The following IGF1 variants were observed in gnomAD, a reference collection of about 807,000 sequenced individuals.
IGF1 encodes insulin like growth factor 1, also known as insulin-like growth factor 1.
A neutral mutation model predicts 13.8 loss-of-function variants in IGF1; 4 were observed. The ratio of observed to expected loss-of-function variants is 0.29; its 90% CI spans 0.14 to 0.66. The LOEUF (loss-of-function observed/expected upper bound fraction) is 0.66, where lower values mean the gene tolerates loss of function less well. Among genes scored for constraint, IGF1 ranks in the 30% least tolerant of loss-of-function variants. The pLI is 0.78. For synonymous variants in IGF1, 76 were observed against 72.6 expected, an observed-to-expected ratio of 1.05 and a Z score of -0.23; for missense variants, 124 against 188.5, an observed-to-expected ratio of 0.66 and a Z score of 2.00.
At chr12:102,417,903 CT>C (rs777711203) in intron 3 of IGF1, 1 of 1,614,010 alleles carries the variant, frequency 6.2e-7, no homozygotes, top group African/African-American at 1.3e-5. Context: ...GATCTGCAGA[CT>C]TGCTTCTGTC....
At chr12:102,428,267 A>G (rs1876413014) in intron 2 of IGF1, among the ~76,000 whole-genome samples, 1 of 53,054 alleles carries the variant, frequency 1.9e-5, no homozygotes, top group Non-Finnish European at 4.6e-5. Flanking sequence ...TAATGTTTCT[A>G]GCTAATAATA....
At chr12:102,474,505 G>GCCA (rs777839107) in intron 2 of IGF1, among the ~76,000 whole-genome samples, 1 of 152,062 alleles carries the variant, frequency 6.6e-6, no homozygotes, top group Non-Finnish European at 1.5e-5. Context: ...GTATACACAG[G>GCCA]CCACCCTCTA....
chr12:102,465,893 C>T (rs528258713), intron 2 of IGF1, among the ~76,000 whole-genome samples: 1 of 151,676 alleles, frequency 6.6e-6, no homozygotes, highest in African/African-American at 2.4e-5. Flanking sequence ...GCCGAGATTG[C>T]ACCACTGTAC....
intron 2 of IGF1, among the ~76,000 whole-genome samples, chr12:102,427,668 G>A (rs936504194): frequency 9.9e-5 from 15 of 152,130 alleles, no homozygotes; most frequent in Non-Finnish European, 2.2e-4. Flanking sequence ...GTGTCTGGAG[G>A]GAGAGTGTTG....
rs886048876 is a variant in IGF1, at chr12:102,398,799, CTTTT to C, written c.*3704_*3707del. On this transcript the variant is annotated 3_prime_UTR_variant, in exon 4 of 4. Coordinates refer to ENST00000337514, the MANE Select transcript of IGF1 (RefSeq NM_000618.5). ...TATGCTTTCTTTTTTTTCTTTTTTTCTTTTTTTTTTAGTCAAGTACTTTCTTAAA... is the reference window on the plus strand; with the variant it reads ...TATGCTTTCTTTTTTTTCTTTTTTTCTTTTTTAGTCAAGTACTTTCTTAAA... 6.9e-6 allele frequency: 1 copy of C among 144,908 alleles called. No individual in the cohort carries two copies. The highest frequency in any genetic ancestry group is 2.5e-5 in the African/African-American group (1 of 39,418). 9.0% of individuals were successfully genotyped at this position (144,908 alleles called of 1,614,324 possible). A position where few individuals can be genotyped will look rare whatever the true frequency, so the allele number is the denominator to read the frequency against.
At chr12:102,408,072 T>C (rs1347724847) in intron 3 of IGF1, among the ~76,000 whole-genome samples, 1 of 152,200 alleles carries the variant, frequency 6.6e-6, no homozygotes, top group African/African-American at 2.4e-5. Flanking sequence ...TAAAAAATAC[T>C]GGGAAAATTC....
rs1203599109 is a variant in IGF1, at chr12:102,475,803, C to T, written c.64-4G>A. On this transcript the variant is annotated splice_region_variant and splice_polypyrimidine_tract_variant and intron_variant, in intron 1 of 3. Coordinates refer to ENST00000337514, the MANE Select transcript of IGF1 (RefSeq NM_000618.5). Reference sequence around the variant, plus strand: ...AGGACATGGTGTGCATCTTCACCTGCCCAAGAAACAGAGGGAGGGTCAGGT... The same window carrying T: ...AGGACATGGTGTGCATCTTCACCTGTCCAAGAAACAGAGGGAGGGTCAGGT... 5 of 1,611,278 alleles carry T rather than the reference C, an allele frequency of 3.1e-6. No individual in the cohort carries two copies. Among genetic ancestry groups the T allele is most frequent in the Non-Finnish European group, 4.2e-6 (5 of 1,178,614 alleles).
chr12:102,401,834 C>CT lies in IGF1; in HGVS notation c.*672dup, dbSNP rs1312019328. ...CAAAGTTGCAACTATTTGCATTATT[C>CT]TTTTTTGTAAGCATGATGTGGAAAA... On this transcript the variant is annotated 3_prime_UTR_variant, in exon 4 of 4. Coordinates refer to ENST00000337514, the MANE Select transcript of IGF1 (RefSeq NM_000618.5). 1 of 152,532 alleles carries CT rather than the reference C, an allele frequency of 6.6e-6. No individual in the cohort carries two copies. Among genetic ancestry groups the CT allele is most frequent in the Admixed American group, 6.6e-5 (1 of 15,264 alleles). The allele number at this position is 152,532 out of a possible 1,614,324, so 9.4% of individuals were successfully genotyped here.
At chr12:102,475,343 G>A (rs1378232618) in intron 2 of IGF1, among the ~76,000 whole-genome samples, 3 of 152,026 alleles carry the variant, frequency 2.0e-5, no homozygotes, top group Non-Finnish European at 4.4e-5. Context: ...GGGTTATTTT[G>A]TCCTGTCCTT....
chr12:102,446,281 A>G (rs1464267695), intron 2 of IGF1, among the ~76,000 whole-genome samples: 1 of 152,136 alleles, frequency 6.6e-6, no homozygotes, highest in African/African-American at 2.4e-5. Flanking sequence ...TGTTTGGAAT[A>G]GTTTCAGACG....
At chr12:102,449,573 C>T (rs1174169776) in intron 2 of IGF1, among the ~76,000 whole-genome samples, 1 of 150,882 alleles carries the variant, frequency 6.6e-6, no homozygotes, top group Non-Finnish European at 1.5e-5. Context: ...TACCCCATTG[C>T]TACGGTTTTC....
intron 3 of IGF1, among the ~76,000 whole-genome samples, chr12:102,410,745 T>TTG (rs1271349594): frequency 6.6e-6 from 1 of 152,194 alleles, no homozygotes; most frequent in African/African-American, 2.4e-5. Flanking sequence ...CACTCATTCC[T>TTG]TGTGTGTGTG....
At chr12:102,451,697 T>C (rs924943968) in intron 2 of IGF1, among the ~76,000 whole-genome samples, 6 of 152,220 alleles carry the variant, frequency 3.9e-5, no homozygotes, top group Non-Finnish European at 5.9e-5. Context: ...GCACTGGCCA[T>C]GTTCACCTTT....
intron 2 of IGF1, among the ~76,000 whole-genome samples, chr12:102,447,769 A>G (rs903405941): frequency 6.6e-6 from 1 of 152,130 alleles, no homozygotes; most frequent in African/African-American, 2.4e-5. Context: ...ACAAAAATTA[A>G]CTCAAGATGG....
In IGF1 at chr12:102,480,270, C is replaced by G. The variant is rs112329427; in HGVS notation, c.63+49G>C. ...GTTCTAGGCAGAAGCAAACAGTACA[C>G]AATTTAAATAGAATTCCCCAATGAC... On this transcript the variant is annotated intron_variant, in intron 1 of 3. Transcript: ENST00000337514. 81 of 1,552,658 alleles carry G rather than the reference C, an allele frequency of 5.2e-5. No individual in the cohort carries two copies. The Middle Eastern group carries it at 6.8e-4, about 13-fold the overall frequency.
At position 102,452,225 on chromosome 12, in the gene IGF1, G is replaced by A. The variant is rs555086792; in HGVS notation, c.220+23418C>T. Among the ~76,000 whole-genome samples the A allele has an allele frequency of 1.3e-3, 143 of 114,082 alleles. 1 individual carries two copies. Among genetic ancestry groups the A allele is most frequent in the African/African-American group, 4.8e-3 (142 of 29,608 alleles). 74.8% of individuals were successfully genotyped at this position (114,082 alleles called of 152,430 possible). A position where few individuals can be genotyped will look rare whatever the true frequency, so the allele number is the denominator to read the frequency against. ...TGCAGTGAGCCGAGATCGCGCCACT[G>A]CACTCCAGCCTGGGCGACAGAGCGA... is the stretch of plus-strand genomic sequence containing the variant. On this transcript the variant is annotated intron_variant, in intron 2 of 3. Coordinates refer to ENST00000337514, the MANE Select transcript of IGF1 (RefSeq NM_000618.5).
intron 1 of IGF1, among the ~76,000 whole-genome samples, chr12:102,476,600 A>G (rs1256771984): frequency 6.6e-6 from 1 of 152,226 alleles, no homozygotes; most frequent in Non-Finnish European, 1.5e-5. Flanking sequence ...CCAATATCAA[A>G]TCAACACGTG....
intron 2 of IGF1, among the ~76,000 whole-genome samples, chr12:102,448,520 C>T (rs1388294597): frequency 8.5e-6 from 1 of 118,056 alleles, no homozygotes; most frequent in East Asian, 2.5e-4. Flanking sequence ...AGGGGAATAT[C>T]ACACTCTGGG....
chr12:102,478,754 TCC>T, intron 1 of IGF1: 1 of 825,600 alleles, frequency 1.2e-6, no homozygotes, highest in Non-Finnish European at 1.7e-6. Context: ...GCCACCTATT[TCC>T]ATTGTATGCC....
Sources: gnomAD v4.1 joint callset for allele counts (sites outside exome capture counted in the v4.1 genomes callset) on GRCh38, gnomAD v4.1.1 for gene constraint, MANE v1.5 for transcripts, NCBI Gene and HGNC (gene_info 2026-07-23, HGNC 2026-07-21) for gene names.